The following TENM4 variants were observed in gnomAD, a reference collection of about 807,000 sequenced individuals.
The protein encoded by TENM4 is teneurin-4.
TENM4 carries 82 observed loss-of-function variants against 243.3 expected under a neutral mutation model. The ratio of observed to expected loss-of-function variants is 0.34; its 90% CI spans 0.28 to 0.40. TENM4 has a LOEUF of 0.40. Among genes scored for constraint, TENM4 ranks in the 10% least tolerant of loss-of-function variants. The pLI is 1.00. For missense variants in TENM4, 3,138 were observed against 3,673.3 expected, an observed-to-expected ratio of 0.85 and a Z score of 3.77; for synonymous variants, 1,412 against 1,456.3, an observed-to-expected ratio of 0.97 and a Z score of 0.69.
intron 2 of TENM4, among the ~76,000 whole-genome samples, chr11:79,270,622 T>C (rs570534645): frequency 6.6e-6 from 1 of 152,158 alleles, no homozygotes; most frequent in Non-Finnish European, 1.5e-5. Flanking sequence ...TTTTCATTTC[T>C]ATTCCAGCTC....
chr11:79,001,678 G>A (rs1858333224), intron 6 of TENM4, among the ~76,000 whole-genome samples: 1 of 152,168 alleles, frequency 6.6e-6, no homozygotes, highest in African/African-American at 2.4e-5. Flanking sequence ...TACTGAAGCT[G>A]GACAGAGCAG....
intron 21 of TENM4, 36 bp from the exon 22 acceptor site, chr11:78,729,679 C>G: frequency 6.4e-7 from 1 of 1,565,850 alleles, no homozygotes; most frequent in South Asian, 1.2e-5. Context: ...AAGGGACGGT[C>G]GTCGACTCAC....
intron 6 of TENM4, among the ~76,000 whole-genome samples, chr11:79,047,628 G>T (rs1859690879): frequency 6.6e-6 from 1 of 152,168 alleles, no homozygotes; most frequent in South Asian, 2.1e-4. Context: ...ACCAGTCTCA[G>T]CTAACAGCTC....
At chr11:78,683,986 C>G (rs141019900) in intron 29 of TENM4, among the ~76,000 whole-genome samples, 1 of 152,336 alleles carries the variant, frequency 6.6e-6, no homozygotes, top group African/African-American at 2.4e-5. Flanking sequence ...TGGCTTAAGA[C>G]TCCCTCCAGG....
At position 79,312,413 on chromosome 11, in the gene TENM4, C is replaced by T. The variant is rs1856737080; in HGVS notation, c.-320-14870G>A. On this transcript the variant is annotated intron_variant, in intron 1 of 33. Transcript: ENST00000278550. Reference sequence around the variant, plus strand: ...ACCAGGCATTATTGCAAATGCTTTGCATGCATTAGCTTACTTAATACCATA... The same window carrying T: ...ACCAGGCATTATTGCAAATGCTTTGTATGCATTAGCTTACTTAATACCATA... Among the ~76,000 whole-genome samples, 3 of 152,202 alleles carry T rather than the reference C, an allele frequency of 2.0e-5. No individual in the cohort carries two copies. The South Asian group carries it at 6.2e-4, about 32-fold the overall frequency.
intron 1 of TENM4, among the ~76,000 whole-genome samples, chr11:79,321,687 C>T (rs1437622139): frequency 6.7e-6 from 1 of 149,864 alleles, no homozygotes; most frequent in African/African-American, 2.5e-5. Context: ...TTGGGACATG[C>T]CAAAGGGGCT....
At chr11:78,829,885 G>A (rs1419958950) in intron 12 of TENM4, among the ~76,000 whole-genome samples, 2 of 152,202 alleles carry the variant, frequency 1.3e-5, no homozygotes, top group African/African-American at 4.8e-5. Context: ...GTGCATGCAG[G>A]TGCGTGTACT....
chr11:78,990,320 A>T (rs1175423799), intron 6 of TENM4, among the ~76,000 whole-genome samples: 1 of 152,128 alleles, frequency 6.6e-6, no homozygotes, highest in Non-Finnish European at 1.5e-5. Flanking sequence ...TCTTCTGCTC[A>T]GCTTGGGGTC....
At chr11:79,331,127 A>T (rs1233332329) in intron 1 of TENM4, among the ~76,000 whole-genome samples, 2 of 152,164 alleles carry the variant, frequency 1.3e-5, no homozygotes, top group Non-Finnish European at 2.9e-5. Context: ...GTAGGGACGG[A>T]GGCATGGCTG....
At chr11:78,844,479 T>C (rs1858339033) in intron 12 of TENM4, among the ~76,000 whole-genome samples, 1 of 152,126 alleles carries the variant, frequency 6.6e-6, no homozygotes, top group Non-Finnish European at 1.5e-5. Flanking sequence ...CCGTCTCTAC[T>C]AAAAATACAA....
chr11:78,714,557 C>T (rs1174532832), intron 25 of TENM4, among the ~76,000 whole-genome samples: 1 of 150,680 alleles, frequency 6.6e-6, no homozygotes, highest in Non-Finnish European at 1.5e-5. Context: ...TTGATCTAAC[C>T]CAAATACCAA....
intron 4 of TENM4, among the ~76,000 whole-genome samples, chr11:79,132,345 C>CAAAAAAAAAAAAAAAAAAAAAAAAAAAA (rs569082783): frequency 2.0e-5 from 1 of 49,950 alleles, no homozygotes; most frequent in African/African-American, 6.9e-5. Flanking sequence ...GACTCCAACT[C>CAAAAAAAAAAAAAAAAAAAAAAAAAAAA]AAAAAAAAAA....
chr11:78,877,512 AAG>A (rs1859298056), intron 9 of TENM4, among the ~76,000 whole-genome samples: 1 of 152,214 alleles, frequency 6.6e-6, no homozygotes, highest in Non-Finnish European at 1.5e-5. Flanking sequence ...ATTCCTTTCC[AAG>A]AAGGCTAAAA....
At chr11:79,249,396 T>C (rs983498873) in intron 2 of TENM4, among the ~76,000 whole-genome samples, 7 of 152,202 alleles carry the variant, frequency 4.6e-5, no homozygotes, top group Admixed American at 2.0e-4. Context: ...CTAGTCTACC[T>C]TTTAAAAGGT....
At chr11:78,965,648 G>C (rs967490329) in intron 6 of TENM4, among the ~76,000 whole-genome samples, 3 of 152,180 alleles carry the variant, frequency 2.0e-5, no homozygotes, top group Non-Finnish European at 4.4e-5. Flanking sequence ...GGGTGAGAAC[G>C]GCAGAACGGC....
In TENM4 at chr11:78,669,542, A is replaced by G. The variant is rs780667870; in HGVS notation, c.6803T>C (p.Ile2268Thr). ...DGFLRQRGGD[I>T]FEYNSAGLLI... The stretch of plus-strand genomic sequence containing the variant: ...CAGGCCAGCTGAGTTGTACTCAAAG[A>G]TATCACCGCCCCGCTGCCTCAGGAA... Residue 2268 changes from isoleucine to threonine, a missense_variant, in exon 32 of 34, where the codon ATC becomes ACC. Physicochemically the swap from Ile to Thr is moderately conservative, Grantham distance 89 (BLOSUM62 -1). This residue lies in a region of TENM4 where 2,467 missense variants were observed against 3,059.1 expected (regional missense o/e 0.81). Coordinates refer to ENST00000278550, the MANE Select transcript of TENM4 (RefSeq NM_001098816.3). The surrounding 1 kb of genome is among the most constrained non-coding windows in gnomAD (Gnocchi z 6.4). 6.2e-7 allele frequency: 1 copy of G among 1,613,694 alleles called. No homozygotes were observed. The highest frequency in any genetic ancestry group is 1.3e-5 in the African/African-American group (1 of 74,872).
At chr11:79,099,433 G>A (rs1861166815) in intron 4 of TENM4, among the ~76,000 whole-genome samples, 1 of 152,076 alleles carries the variant, frequency 6.6e-6, no homozygotes, top group African/African-American at 2.4e-5. Context: ...TTGCCTCTGT[G>A]GTCCTGAACT....
intron 12 of TENM4, among the ~76,000 whole-genome samples, chr11:78,840,865 C>G (rs1020409897): frequency 2.6e-5 from 4 of 152,194 alleles, no homozygotes; most frequent in Admixed American, 6.5e-5. Context: ...CCTGGCTCTG[C>G]TCTTACTCAA....
intron 4 of TENM4, among the ~76,000 whole-genome samples, chr11:79,120,302 C>T (rs190619345): frequency 1.1e-3 from 162 of 152,310 alleles, no homozygotes; most frequent in Middle Eastern, 6.8e-3. Context: ...CATAGAAAAA[C>T]ACACAGTAAC....
Sources: allele counts gnomAD v4.1 joint callset (sites outside exome capture counted in the v4.1 genomes callset), GRCh38; gene constraint gnomAD v4.1.1; regional missense constraint gnomAD v4.1.1; non-coding constraint Gnocchi (gnomAD v3.1); transcripts MANE v1.5; gene names NCBI Gene and HGNC (gene_info 2026-07-23, HGNC 2026-07-21).